The following SAMHD1 variants were observed in gnomAD, a reference collection of about 807,000 sequenced individuals.
SAMHD1 encodes SAM and HD domain containing deoxynucleoside triphosphate triphosphohydrolase 1, also known as deoxynucleoside triphosphate triphosphohydrolase SAMHD1.
Under a neutral mutation model 79.6 loss-of-function variants are expected in SAMHD1, and 54 were observed. The ratio of observed to expected loss-of-function variants is 0.68; its 90% confidence interval spans 0.55 to 0.85. The LOEUF is 0.85. Among genes scored for constraint, SAMHD1 ranks in the 40% least tolerant of loss-of-function variants. The pLI, the probability that SAMHD1 is intolerant of heterozygous loss-of-function variation, is 0.00. For synonymous variants in SAMHD1, 260 were observed against 264.1 expected, an observed-to-expected ratio of 0.98 and a Z score of 0.15; for missense variants, 663 against 782.7, an observed-to-expected ratio of 0.85 and a Z score of 1.82.
chr20:36,923,242 G>A (rs758652876), intron 6 of SAMHD1, among the ~76,000 whole-genome samples: 3 of 151,970 alleles, frequency 2.0e-5, no homozygotes, highest in East Asian at 1.9e-4. Flanking sequence ...CTTGTGATCC[G>A]CCCACCTTGG....
chr20:36,916,000 A>C (rs1464513960), intron 9 of SAMHD1, among the ~76,000 whole-genome samples: 1 of 152,098 alleles, frequency 6.6e-6, no homozygotes, highest in Non-Finnish European at 1.5e-5. Context: ...TCTACTAAAA[A>C]TACAAAAAAA....
chr20:36,925,368 T>A (rs948740427), intron 6 of SAMHD1, among the ~76,000 whole-genome samples: 1 of 152,172 alleles, frequency 6.6e-6, no homozygotes, highest in Non-Finnish European at 1.5e-5. Context: ...CAAAACCAAG[T>A]GGATGTTAGA....
At chr20:36,936,467 T>G (rs1231841533) in intron 3 of SAMHD1, among the ~76,000 whole-genome samples, 1 of 151,632 alleles carries the variant, frequency 6.6e-6, no homozygotes, top group Middle Eastern at 3.2e-3. Context: ...ACTACAGGCA[T>G]GTACCACCAT....
chr20:36,897,363 C>G lies in SAMHD1; in HGVS notation c.1746+459G>C, dbSNP rs188163848. On this transcript the variant is annotated intron_variant, in intron 15 of 15. Transcript: ENST00000646673. ...ACAACCTTCTCTACAGGGTTGGCAA[C>G]TGTGGCTTGGCTCCTCTTCCCTCTA... Among the ~76,000 whole-genome samples the G allele has an allele frequency of 1.5e-3, 223 of 152,328 alleles. 1 individual carries two copies. The highest frequency in any genetic ancestry group is 1.3e-3 in the Non-Finnish European group (90 of 68,034).
chr20:36,904,307 C>A (rs1454055321), intron 12 of SAMHD1, 58 bp from the exon 13 acceptor site: 1 of 1,166,802 alleles, frequency 8.6e-7, no homozygotes. Flanking sequence ...CTTTGAGCCA[C>A]AAACAGGTTC....
intron 3 of SAMHD1, chr20:36,940,790 A>G: frequency 1.9e-6 from 1 of 540,128 alleles, no homozygotes. Context: ...TAGGCAAAAT[A>G]TTAATATTTG....
chr20:36,947,488 T>TGTGA (rs1157217870), intron 1 of SAMHD1, among the ~76,000 whole-genome samples: 3 of 132,696 alleles, frequency 2.3e-5, no homozygotes, highest in Middle Eastern at 4.0e-3. Flanking sequence ...TGTGTGTGTG[T>TGTGA]GTGAGTGTGT....
chr20:36,906,264 C>T (rs760639966), intron 11 of SAMHD1, among the ~76,000 whole-genome samples: 25 of 152,122 alleles, frequency 1.6e-4, no homozygotes, highest in Non-Finnish European at 2.9e-4. Flanking sequence ...ATGGCAAAAC[C>T]CTGCCTCTAC....
intron 7 of SAMHD1, 34 bp from the exon 8 acceptor site, chr20:36,917,083 G>A: frequency 1.5e-6 from 2 of 1,340,192 alleles, no homozygotes; most frequent in South Asian, 1.2e-5. Context: ...GAAGTTTTAG[G>A]ATAGGCACCA....
Position 36,923,437 on chromosome 20 carries a change from A to AAAAT in SAMHD1, c.696+3741_696+3744dup, listed in dbSNP as rs565534034. Among the ~76,000 whole-genome samples, 304 of 152,228 alleles carry AAAAT rather than the reference A, an allele frequency of 2.0e-3. 1 individual carries two copies. The highest frequency in any genetic ancestry group is 6.6e-3 in the African/African-American group (275 of 41,560). The stretch of plus-strand genomic sequence containing the variant: ...ACCCTCTCTCAAAAACAATAAAATA[A>AAAAT]AAATAAATAAATAAATAAATAAAGT... On this transcript the variant is annotated intron_variant, in intron 6 of 15. Coordinates refer to ENST00000646673, the MANE Select transcript of SAMHD1 (RefSeq NM_015474.4).
intron 5 of SAMHD1, among the ~76,000 whole-genome samples, chr20:36,927,564 G>A (rs745616773): frequency 2.0e-5 from 3 of 152,030 alleles, no homozygotes; most frequent in African/African-American, 7.2e-5. Flanking sequence ...TGATCCGCCC[G>A]TCTCAGCCTC....
intron 2 of SAMHD1, among the ~76,000 whole-genome samples, chr20:36,942,144 A>T (rs2063648873): frequency 6.6e-6 from 1 of 152,166 alleles, no homozygotes; most frequent in Non-Finnish European, 1.5e-5. Flanking sequence ...GGCCGGGCGC[A>T]GTGGCTCACA....
At chr20:36,941,873 A>C (rs1376857744) in intron 2 of SAMHD1, among the ~76,000 whole-genome samples, 1 of 152,194 alleles carries the variant, frequency 6.6e-6, no homozygotes, top group Non-Finnish European at 1.5e-5. Context: ...GGATACACAG[A>C]AGCATTATTA....
At chr20:36,930,341 C>T (rs1409940995) in intron 5 of SAMHD1, among the ~76,000 whole-genome samples, 1 of 151,774 alleles carries the variant, frequency 6.6e-6, no homozygotes, top group East Asian at 1.9e-4. Flanking sequence ...GCTAAAAATA[C>T]AAAAATTAGC....
intron 14 of SAMHD1, 109 bp from the exon 15 acceptor site, chr20:36,898,068 G>A: frequency 4.3e-6 from 6 of 1,380,934 alleles, no homozygotes; most frequent in Non-Finnish European, 6.1e-6. Flanking sequence ...AGATCTCCCT[G>A]TCACCCAGGC....
intron 7 of SAMHD1, among the ~76,000 whole-genome samples, chr20:36,918,175 T>C (rs1400053807): frequency 1.3e-5 from 2 of 151,842 alleles, no homozygotes; most frequent in Admixed American, 1.3e-4. Flanking sequence ...GATCTCAAAC[T>C]CCTGGGCTCA....
intron 15 of SAMHD1, chr20:36,893,430 GT>G (rs1990129664): frequency 2.9e-6 from 1 of 340,248 alleles, no homozygotes; most frequent in African/African-American, 2.1e-5. Context: ...CTCTCGCCTG[GT>G]CCCCTCTGCA....
At chr20:36,900,094 A>C (rs1990274263) in intron 13 of SAMHD1, among the ~76,000 whole-genome samples, 1 of 85,752 alleles carries the variant, frequency 1.2e-5, no homozygotes, top group Admixed American at 1.1e-4. Flanking sequence ...ACTCCGTCTC[A>C]AAAAAAAAAA....
intron 13 of SAMHD1, among the ~76,000 whole-genome samples, chr20:36,900,368 C>G (rs754692775): frequency 4.7e-4 from 44 of 92,994 alleles, no homozygotes; most frequent in Non-Finnish European, 7.5e-4. Context: ...GCCTCAGCCT[C>G]CTAAGTAGCT....
Sources: allele counts gnomAD v4.1 joint callset (sites outside exome capture counted in the v4.1 genomes callset), GRCh38; gene constraint gnomAD v4.1.1; transcripts MANE v1.5; gene names NCBI Gene and HGNC (gene_info 2026-07-23, HGNC 2026-07-21).